The following MATR3 variants were observed in gnomAD, a reference collection of about 807,000 sequenced individuals.
MATR3 encodes matrin 3.
A neutral mutation model predicts 85.5 loss-of-function variants in MATR3; 4 were observed. The observed-to-expected ratio is 0.05, with a 90% CI of 0.02 to 0.11. The LOEUF (loss-of-function observed/expected upper bound fraction) is 0.11, where lower values mean the gene tolerates loss of function less well. Ranked by LOEUF, MATR3 falls within the 10% of genes least tolerant of loss-of-function variation. The pLI is 1.00. For missense variants in MATR3, 685 were observed against 1,016.1 expected (o/e 0.67, Z 4.43); for synonymous variants, 336 against 343.1 (o/e 0.98, Z 0.23).
chr5:139,302,483 CT>C (rs1754500189), intron 1 of MATR3, among the ~76,000 whole-genome samples: 1 of 151,930 alleles, frequency 6.6e-6, no homozygotes, highest in Non-Finnish European at 1.5e-5. Flanking sequence ...ACTTGTAGTA[CT>C]TTTAAAATGG....
chr5:139,311,647 A>G (rs1407694658), intron 2 of MATR3: 3 of 151,228 alleles, frequency 2.0e-5, no homozygotes, highest in Non-Finnish European at 4.4e-5. Context: ...GTAGTAGGAT[A>G]ACATTTATTT....
intron 2 of MATR3, chr5:139,311,569 G>A (rs960470661): frequency 2.0e-5 from 3 of 151,912 alleles, no homozygotes; most frequent in Non-Finnish European, 4.4e-5. Flanking sequence ...TTTAAACAAC[G>A]TGGAGGATTG....
chr5:139,319,943 CTTTTCT>C (rs1164889776), intron 9 of MATR3, among the ~76,000 whole-genome samples: 3 of 42,884 alleles, frequency 7.0e-5, no homozygotes, highest in African/African-American at 2.7e-4. Flanking sequence ...GTTTGCTTTT[CTTTTCT>C]TTTTTTTTTT....
chr5:139,276,194 G>GT (rs1368091255), intron 2 of MATR3: 1 of 456,714 alleles, frequency 2.2e-6, no homozygotes, highest in Non-Finnish European at 4.4e-6. Flanking sequence ...GCTGTAGGCA[G>GT]CTGCCTAGGT....
At chr5:139,328,985 A>G (rs1050606480) in intron 14 of MATR3, among the ~76,000 whole-genome samples, 3 of 152,128 alleles carry the variant, frequency 2.0e-5, no homozygotes, top group African/African-American at 7.2e-5. Flanking sequence ...AGCCTGGGCA[A>G]CAGAGCAAAA....
chr5:139,312,426 A>G lies in MATR3; in HGVS notation c.913-2249A>G, dbSNP rs2151973989. The G allele has an allele frequency of 1.3e-5, 2 of 152,302 alleles. 1 individual carries two copies. The highest frequency in any genetic ancestry group is 4.1e-4 in the South Asian group (2 of 4,826). The allele number at this position is 152,302 out of a possible 1,614,324, so 9.4% of individuals were successfully genotyped here. On this transcript the variant is annotated intron_variant, in intron 2 of 14. Coordinates refer to ENST00000394805, the MANE Select transcript of MATR3 (RefSeq NM_018834.6). ...ACAAGCCATTTTAAAACTGGTCCCC[A>G]AGAAGGCAGTGGTCCATTACTTTCC...
rs1755815403 is a variant in MATR3 at position 139,325,601 on chromosome 5, G to C, written c.2310G>C (p.Lys770Asn). 6.2e-7 allele frequency: 1 copy of C among 1,614,190 alleles called. No individual in the cohort carries two copies. The highest frequency in any genetic ancestry group is 1.7e-5 in the Admixed American group (1 of 60,020). The change falls in exon 13 of 15, where the codon AAG becomes AAC. Residue 770 changes from lysine (K) to asparagine (N), a missense_variant. Lys to Asn is a moderately conservative substitution (Grantham distance 94). This residue lies in a region of MATR3 where 215 missense variants were observed against 194.7 expected (regional missense o/e 1.10). Coordinates refer to ENST00000394805, the MANE Select transcript of MATR3 (RefSeq NM_018834.6). ...CAGATGGTCAAAGTGATGAGAACAAGGACGACTATACAATCCCAGATGAGT... is the reference window on the plus strand; with the variant it reads ...CAGATGGTCAAAGTGATGAGAACAACGACGACTATACAATCCCAGATGAGT... ...ENADGQSDEN[K>N]DDYTIPDEYR...
chr5:139,296,615 T>C lies in MATR3; in HGVS notation c.-178+2810T>C, dbSNP rs554761362. Among the ~76,000 whole-genome samples the C allele has an allele frequency of 3.2e-4, 49 of 152,364 alleles. 1 individual carries two copies. Among genetic ancestry groups the C allele is most frequent in the African/African-American group, 8.9e-4 (37 of 41,582 alleles). On this transcript the variant is annotated intron_variant, in intron 1 of 14. Coordinates refer to ENST00000394805, the MANE Select transcript of MATR3 (RefSeq NM_018834.6). ...GCTGCTTCAAGTCTGAAGTGAAAAG[T>C]ACTGAGAAGTGACAGAAAGTAGTGC...
At chr5:139,289,466 A>G (rs1753806320), upstream of MATR3, among the ~76,000 whole-genome samples, 1 of 152,256 alleles carries the variant, frequency 6.6e-6, no homozygotes, top group South Asian at 2.1e-4. Context: ...TAAAAAATAC[A>G]TAAATATATA....
In MATR3 at chr5:139,325,439, G is replaced by A; in HGVS notation, c.2149-1G>A. 1 of 1,614,148 alleles carries A rather than the reference G, an allele frequency of 6.2e-7. No homozygotes were observed. Among genetic ancestry groups the A allele is most frequent in the Admixed American group, 1.7e-5 (1 of 60,010 alleles). On this transcript the variant is annotated splice_acceptor_variant, in intron 12 of 14. Transcript: ENST00000394805. LOFTEE classifies it high-confidence loss of function. ...ATGATGATGGTTTGGTTGAAATTAA[G>A]GTGGACAAGATCGAGGAACTTGATC... is the stretch of plus-strand genomic sequence containing the variant.
intron 1 of MATR3, among the ~76,000 whole-genome samples, chr5:139,296,305 A>G (rs1391768488): frequency 6.6e-6 from 1 of 152,212 alleles, no homozygotes; most frequent in African/African-American, 2.4e-5. Context: ...GGAAAATGGT[A>G]ACGGTATACA....
intron 2 of MATR3, chr5:139,311,790 A>G (rs1466685468): frequency 1.3e-5 from 1 of 77,872 alleles, no homozygotes; most frequent in Non-Finnish European, 2.1e-5. Flanking sequence ...TTTTTTGAGA[A>G]GGTTTCTCGC....
chr5:139,323,031 TTACC>T (rs1755659501), intron 12 of MATR3, 64 bp downstream of exon 12: 2 of 1,494,694 alleles, frequency 1.3e-6, no homozygotes, highest in Non-Finnish European at 1.8e-6. Context: ...TTCAAGTTAT[TTACC>T]TAAGCAGGAT....
chr5:139,314,539 A>T, intron 2 of MATR3, 136 bp from the exon 3 acceptor site: 1 of 709,008 alleles, frequency 1.4e-6, no homozygotes, highest in Non-Finnish European at 2.6e-6. Context: ...AATTAAATCA[A>T]TGTGATTTAG....
At chr5:139,293,036 G>A (rs1162713491), upstream of MATR3, among the ~76,000 whole-genome samples, 3 of 152,108 alleles carry the variant, frequency 2.0e-5, no homozygotes, top group African/African-American at 7.2e-5. Flanking sequence ...AGCACTGCTT[G>A]AGCCAAGGAG....
chr5:139,287,494 C>T (rs969931632), intron 3 of MATR3, among the ~76,000 whole-genome samples: 3 of 152,190 alleles, frequency 2.0e-5, no homozygotes, highest in Admixed American at 6.5e-5. Flanking sequence ...TGGCGCGCAC[C>T]TGTAATCCCA....
At chr5:139,315,041 CAGT>C (rs780838693) in intron 3 of MATR3, 16 of 293,192 alleles carry the variant, frequency 5.5e-5, no homozygotes, top group Admixed American at 4.9e-4. Flanking sequence ...GTGGATTAAA[CAGT>C]AGCATTTTTA....
chr5:139,303,618 C>T (rs778575664), intron 1 of MATR3, among the ~76,000 whole-genome samples: 2 of 152,160 alleles, frequency 1.3e-5, no homozygotes, highest in East Asian at 1.9e-4. Flanking sequence ...TCTGTAGTCC[C>T]GGCTACTTGG....
chr5:139,305,545 T>G (rs1192789225), intron 1 of MATR3, among the ~76,000 whole-genome samples: 1 of 152,168 alleles, frequency 6.6e-6, no homozygotes, highest in Non-Finnish European at 1.5e-5. Flanking sequence ...TAAAAATATG[T>G]GTGAAAATTT....
Sources: allele counts gnomAD v4.1 joint callset (sites outside exome capture counted in the v4.1 genomes callset), GRCh38; gene constraint gnomAD v4.1.1; regional missense constraint gnomAD v4.1.1; transcripts MANE v1.5; gene names NCBI Gene and HGNC (gene_info 2026-07-23, HGNC 2026-07-21).